NTRK2: variants seen among roughly 807,000 people sequenced by gnomAD.
NTRK2 encodes the protein neurotrophic receptor tyrosine kinase 2.
NTRK2 carries 13 observed loss-of-function variants against 94.5 expected under a neutral mutation model. The ratio of observed to expected loss-of-function variants is 0.14; its 90% CI spans 0.09 to 0.22. The LOEUF is 0.22. Among genes scored for constraint, NTRK2 ranks in the 10% least tolerant of loss-of-function variants. NTRK2 has a pLI of 1.00. For missense variants in NTRK2, 639 were observed against 1,071.2 expected, an observed-to-expected ratio of 0.60 and a Z score of 5.63; for synonymous variants, 372 against 407.4, an observed-to-expected ratio of 0.91 and a Z score of 1.05.
At chr9:84,690,737 A>G (rs1418801788) in intron 2 of NTRK2, among the ~76,000 whole-genome samples, 1 of 152,034 alleles carries the variant, frequency 6.6e-6, no homozygotes, top group Non-Finnish European at 1.5e-5. Flanking sequence ...AAATAAAAAA[A>G]ATGATAATTT....
At chr9:84,880,222 A>G (rs2076213928) in intron 14 of NTRK2, among the ~76,000 whole-genome samples, 1 of 152,212 alleles carries the variant, frequency 6.6e-6, no homozygotes, top group Non-Finnish European at 1.5e-5. Context: ...TATCCAAGAA[A>G]AGAATTCAAA....
rs565702330 is a variant in NTRK2 at position 85,024,955 on chromosome 9, G to T, written c.*3518G>T. 1.3e-5 allele frequency: 3 copies of T among 232,904 alleles called. No homozygotes were observed. Among genetic ancestry groups the T allele is most frequent in the Non-Finnish European group, 2.5e-5 (3 of 117,936 alleles). 14.4% of individuals were successfully genotyped at this position (232,904 alleles called of 1,614,324 possible). A position where few individuals can be genotyped will look rare whatever the true frequency, so the allele number is the denominator to read the frequency against. On this transcript the variant is annotated 3_prime_UTR_variant, in exon 19 of 19. Transcript: ENST00000277120. ...TTTATACATATACAAATGCACATAC[G>T]TAGTGTGTTTGTGTGTTTATGTATA...
rs543307498 is a variant in NTRK2 at position 84,872,080 on chromosome 9, A to G, written c.1633+4649A>G. ...CTCCTCGATCAATCAGGATGGCAAG[A>G]TGGAGCTGAGGAGCTCAGCAACATC... On this transcript the variant is annotated intron_variant, in intron 14 of 18. Transcript: ENST00000277120. The G allele has an allele frequency of 5.1e-5, 70 of 1,362,150 alleles. No individual in the cohort carries two copies. The South Asian group carries it at 7.9e-4, about 15-fold the overall frequency. The allele number at this position is 1,362,150 out of a possible 1,614,324, so 84.4% of individuals were successfully genotyped here.
intron 14 of NTRK2, among the ~76,000 whole-genome samples, chr9:84,897,784 C>T (rs17087835): frequency 0.018 from 2,691 of 152,262 alleles, 79 homozygotes; most frequent in African/African-American, 0.061. Flanking sequence ...TCACTTTGGC[C>T]GGAGCATTGG....
chr9:84,785,920 C>T (rs2068069349), intron 12 of NTRK2, among the ~76,000 whole-genome samples: 1 of 152,150 alleles, frequency 6.6e-6, no homozygotes, highest in African/African-American at 2.4e-5. Context: ...AAGCTGGTGA[C>T]TTGCACACAA....
intron 12 of NTRK2, chr9:84,814,616 AC>A: frequency 9.4e-7 from 1 of 1,065,608 alleles, no homozygotes; most frequent in Non-Finnish European, 1.1e-6. Context: ...CATGATTTAC[AC>A]CTCCGCCTGT....
intron 17 of NTRK2, among the ~76,000 whole-genome samples, chr9:85,004,047 G>GAAAGAAAGAAAAGAAAGAAAGAA (rs1564542231): frequency 2.3e-4 from 9 of 39,806 alleles, no homozygotes; most frequent in Non-Finnish European, 3.2e-4. Context: ...GAAAGAAAGG[G>GAAAGAAAGAAAAGAAAGAAAGAA]AGAAAGAGAA....
At chr9:84,815,501 A>C in intron 12 of NTRK2, 1 of 1,038,032 alleles carries the variant, frequency 9.6e-7, no homozygotes, top group Non-Finnish European at 1.2e-6. Flanking sequence ...GCAGCCTGTG[A>C]ATCATTCTCA....
intron 17 of NTRK2, among the ~76,000 whole-genome samples, chr9:84,986,729 G>A (rs940467221): frequency 3.3e-5 from 5 of 152,266 alleles, no homozygotes; most frequent in Non-Finnish European, 7.3e-5. Context: ...AATTACTGGA[G>A]AGAATGGACA....
At chr9:84,786,111 C>T (rs1588589048) in intron 12 of NTRK2, among the ~76,000 whole-genome samples, 1 of 152,192 alleles carries the variant, frequency 6.6e-6, no homozygotes, top group African/African-American at 2.4e-5. Flanking sequence ...CCTGCAGTCC[C>T]TTATGCTGAT....
chr9:84,685,381 A>T (rs1659398), intron 2 of NTRK2, among the ~76,000 whole-genome samples: 11 of 146,970 alleles, frequency 7.5e-5, no homozygotes, highest in Non-Finnish European at 7.5e-5. Flanking sequence ...TTTTTTTTCT[A>T]CTTGAAGTAT....
intron 14 of NTRK2, among the ~76,000 whole-genome samples, chr9:84,908,713 T>C (rs1219569366): frequency 6.6e-6 from 1 of 152,196 alleles, no homozygotes; most frequent in African/African-American, 2.4e-5. Flanking sequence ...AGGAGCTCAC[T>C]TATGATGCAG....
At chr9:84,749,986 C>A (rs1017955078) in intron 11 of NTRK2, among the ~76,000 whole-genome samples, 83 of 152,196 alleles carry the variant, frequency 5.5e-4, no homozygotes, top group African/African-American at 1.7e-3. Flanking sequence ...TCAGCCTTGT[C>A]CTTGTTCCAG....
chr9:84,999,469 A>G (rs968804057), intron 17 of NTRK2, among the ~76,000 whole-genome samples: 1 of 152,210 alleles, frequency 6.6e-6, no homozygotes, highest in African/African-American at 2.4e-5. Flanking sequence ...TCACACTAAT[A>G]TTTAATTCTT....
At chr9:84,775,671 G>C (rs1248214194) in intron 12 of NTRK2, among the ~76,000 whole-genome samples, 1 of 152,030 alleles carries the variant, frequency 6.6e-6, no homozygotes, top group East Asian at 1.9e-4. Context: ...GGACTTCCTG[G>C]GTTGTTATGG....
intron 12 of NTRK2, among the ~76,000 whole-genome samples, chr9:84,820,749 G>A (rs1363923843): frequency 6.6e-5 from 10 of 152,194 alleles, no homozygotes; most frequent in Admixed American, 6.5e-4. Flanking sequence ...CGGCCAGTGA[G>A]CTAGGTGCTG....
At chr9:85,003,501 C>G (rs1830548773) in intron 17 of NTRK2, among the ~76,000 whole-genome samples, 1 of 151,914 alleles carries the variant, frequency 6.6e-6, no homozygotes, top group South Asian at 2.1e-4. Flanking sequence ...TTCAGTGTGC[C>G]CCGTGTGGTA....
intron 12 of NTRK2, among the ~76,000 whole-genome samples, chr9:84,825,280 C>A (rs965269844): frequency 2.6e-5 from 4 of 152,144 alleles, no homozygotes; most frequent in African/African-American, 9.7e-5. Flanking sequence ...CATGCTTCCA[C>A]CCCCTGAGCC....
chr9:84,719,489 T>C (rs2061922747), intron 6 of NTRK2, among the ~76,000 whole-genome samples: 1 of 152,206 alleles, frequency 6.6e-6, no homozygotes, highest in African/African-American at 2.4e-5. Flanking sequence ...CATTTCCTAC[T>C]GAGAATCTCT....
Sources: gnomAD v4.1 joint callset for allele counts (sites outside exome capture counted in the v4.1 genomes callset) on GRCh38, gnomAD v4.1.1 for gene constraint, MANE v1.5 for transcripts, NCBI Gene and HGNC (gene_info 2026-07-23, HGNC 2026-07-21) for gene names.